Variants in KCP observed in about 807,000 individuals in gnomAD.
The protein encoded by KCP is kielin cysteine rich BMP regulator.
KCP carries 194 observed loss-of-function variants against 212.7 expected under a neutral mutation model. That is an observed-to-expected ratio of 0.91 (90% CI 0.81 to 1.03). The LOEUF (loss-of-function observed/expected upper bound fraction) is 1.03. Among genes scored for constraint, KCP ranks in the 50% least tolerant of loss-of-function variants. The pLI is 0.00. For missense variants in KCP, 2,080 were observed against 2,162.5 expected (o/e 0.96, Z 0.76); for synonymous variants, 833 against 865.3 (o/e 0.96, Z 0.65).
Position 128,877,735 on chromosome 7 carries a change from G to A in KCP, c.4367C>T (p.Pro1456Leu), listed in dbSNP as rs542483498. Residue 1456 changes from proline to leucine, a missense_variant, in exon 39 of 40, where the codon CCG becomes CTG. Pro to Leu is a moderately conservative substitution (Grantham distance 98, BLOSUM62 -3). Coordinates refer to ENST00000610776, the MANE Select transcript of KCP (RefSeq NM_001366122.1). ...GGCACGGTAACCTGCTGCCCGGCAC[G>A]GATCCACCTCTCGGCCTGCAGAACA... ...RPCSAGREVDPCRAAGYRARR... is the reference protein window; with the variant it reads ...RPCSAGREVDLCRAAGYRARR... 1.5e-5 allele frequency: 23 copies of A among 1,550,866 alleles called. No homozygotes were observed. Among genetic ancestry groups the A allele is most frequent in the Middle Eastern group, 3.3e-4 (2 of 5,986 alleles).
At position 128,886,936 on chromosome 7, in the gene KCP, A is replaced by G. The variant is rs1793687969; in HGVS notation, c.2629T>C (p.Cys877Arg). Residue 877 changes from cysteine (C) to arginine (R), a missense_variant, in exon 24 of 40, where the codon TGT (cysteine) becomes CGT (arginine). Transcript: ENST00000610776. ...GGGTGGGGGCAGAGAGCTGGGGGAC[A>G]TGGCTTCTTCTGGCAGCGCATGGAA... is the stretch of plus-strand genomic sequence containing the variant. ...EGSMRCQKKP[C>R]PPALCPHPSP... 3 of 1,529,840 alleles carry G rather than the reference A, an allele frequency of 2.0e-6. No individual in the cohort carries two copies. In the East Asian group the frequency reaches 7.3e-5, roughly 37 times the overall value. 94.8% of individuals were successfully genotyped at this position (1,529,840 alleles called of 1,614,324 possible). A position where few individuals can be genotyped will look rare whatever the true frequency, so the allele number is the denominator to read the frequency against.
intron 8 of KCP, among the ~76,000 whole-genome samples, chr7:128,899,957 C>G (rs970936137): frequency 1.5e-5 from 2 of 133,974 alleles, no homozygotes; most frequent in African/African-American, 7.8e-5. Context: ...GGGTTTCTGA[C>G]CTGTGGTAAG....
At chr7:128,887,893 GCACACA>G (rs1344076917) in intron 22 of KCP, among the ~76,000 whole-genome samples, 2 of 97,524 alleles carry the variant, frequency 2.1e-5, no homozygotes, top group Non-Finnish European at 4.2e-5. Flanking sequence ...ACATAGCCAC[GCACACA>G]CATACACATA....
chr7:128,886,536 G>T lies in KCP; in HGVS notation c.2794C>A (p.Arg932=), dbSNP rs771916334. ...RCQAGQVSCV[R]LQCPPLPCKL... is the part of the protein sequence containing the mutation. ...CAGGGAAGGGGTGGGCACTGCAGCCGCACACAGCTGACCTGGCCAGCCTGT... is the reference window on the plus strand; with the variant it reads ...CAGGGAAGGGGTGGGCACTGCAGCCTCACACAGCTGACCTGGCCAGCCTGT... The change falls in exon 26 of 40, where the codon CGG becomes AGG. Residue 932 remains arginine (R), a synonymous_variant. Coordinates refer to ENST00000610776, the MANE Select transcript of KCP (RefSeq NM_001366122.1). The T allele has an allele frequency of 6.4e-7, 1 of 1,550,924 alleles. No individual in the cohort carries two copies.
rs1446578727 is a variant in KCP, at chr7:128,890,955, G to A, written c.2114C>T (p.Pro705Leu). 2.4e-6 allele frequency: 3 copies of A among 1,257,044 alleles called. No individual in the cohort carries two copies. In the African/African-American group the frequency reaches 4.7e-5, roughly 20 times the overall value. 77.9% of individuals were successfully genotyped at this position (1,257,044 alleles called of 1,614,324 possible). The change falls in exon 20 of 40, where the codon CCC becomes CTC. Residue 705 changes from proline to leucine, a missense_variant. Coordinates refer to ENST00000610776, the MANE Select transcript of KCP (RefSeq NM_001366122.1). The stretch of plus-strand genomic sequence containing the variant: ...CTGGCGCGGGTGCGCGCAGGGCGCG[G>A]GCGGGCAGGGCAGCCGCTGGCAGGA... ...SVSCQRLPCPPAPCAHPRQGP... is the reference protein window; with the variant it reads ...SVSCQRLPCPLAPCAHPRQGP...
intron 1 of KCP, among the ~76,000 whole-genome samples, chr7:128,909,182 A>C (rs1161327146): frequency 6.6e-6 from 1 of 152,090 alleles, no homozygotes; most frequent in Non-Finnish European, 1.5e-5. Flanking sequence ...TTTCACTTTG[A>C]TCCTTCTCCT....
chr7:128,904,379 G>A, intron 5 of KCP: 2 of 1,550,202 alleles, frequency 1.3e-6, no homozygotes, highest in Non-Finnish European at 1.7e-6. Context: ...CACGGCTCCT[G>A]TCTGCAGGGC....
rs753076372 is a variant in KCP, at chr7:128,910,708, T to C, written c.-32A>G. On this transcript the variant is annotated 5_prime_UTR_variant, in exon 1 of 40. Coordinates refer to ENST00000610776, the MANE Select transcript of KCP (RefSeq NM_001366122.1). Reference sequence around the variant, plus strand: ...TCCGCCTCGCTCGGCTCGCCGTCTGTCGTCGCGGCTCAGCAGGCGCTGGGG... The same window carrying C: ...TCCGCCTCGCTCGGCTCGCCGTCTGCCGTCGCGGCTCAGCAGGCGCTGGGG... 1.9e-4 allele frequency: 278 copies of C among 1,458,058 alleles called. No homozygotes were observed. The highest frequency in any genetic ancestry group is 2.4e-4 in the Non-Finnish European group (270 of 1,110,642). The allele number at this position is 1,458,058 out of a possible 1,614,324, so 90.3% of individuals were successfully genotyped here.
Position 128,908,529 on chromosome 7 carries a change from G to GA in KCP, c.115_116insT (p.Thr39IlefsTer37), listed in dbSNP as rs1585263739. On this transcript the variant is annotated frameshift_variant, in exon 2 of 40. Coordinates refer to ENST00000610776, the MANE Select transcript of KCP (RefSeq NM_001366122.1). LOFTEE classifies it high-confidence loss of function. The stretch of plus-strand genomic sequence containing the variant: ...CCCAGCAAGGACTGAGGAATGGGCA[G>GA]TTGTCTGCTGCCCAGGGGGCTCCCT... 6.4e-7 allele frequency: 1 copy of GA among 1,551,688 alleles called. No homozygotes were observed. The highest frequency in any genetic ancestry group is 1.4e-5 in the African/African-American group (1 of 73,176).
chr7:128,890,813 G>T, intron 20 of KCP, 92 bp downstream of exon 20: 1 of 1,093,958 alleles, frequency 9.1e-7, no homozygotes, highest in Non-Finnish European at 1.2e-6. Context: ...TGGGCGGAGC[G>T]GGCCTGGAGG....
In KCP at chr7:128,907,190, C is replaced by A; in HGVS notation, c.410-13G>T. 6.5e-7 allele frequency: 1 copy of A among 1,549,676 alleles called. No individual in the cohort carries two copies. The highest frequency in any genetic ancestry group is 1.4e-5 in the African/African-American group (1 of 73,170). ...TTTTGGCTGCAGCCTAAGGAGACAG[C>A]AGTGTCACTCAAGCACCCCATGCCA... is the stretch of plus-strand genomic sequence containing the variant. On this transcript the variant is annotated splice_polypyrimidine_tract_variant and intron_variant, in intron 3 of 39. Transcript: ENST00000610776.
chr7:128,907,132 GAGA>G lies in KCP; in HGVS notation c.452_454del (p.Phe151del), dbSNP rs1292226532. 4 of 1,551,428 alleles carry G rather than the reference GAGA, an allele frequency of 2.6e-6. No individual in the cohort carries two copies. The highest frequency in any genetic ancestry group is 2.0e-5 in the Admixed American group (1 of 50,972). On this transcript the variant is annotated inframe_deletion, in exon 4 of 40. Coordinates refer to ENST00000610776, the MANE Select transcript of KCP (RefSeq NM_001366122.1). ...GCGGCAGGTGGTGCAGGCATCTGGG[GAGA>G]AGGTCTCCCCGTTGCCGTAGGTCTG...
intron 8 of KCP, among the ~76,000 whole-genome samples, 183 bp from the exon 9 acceptor site, chr7:128,894,476 A>G (rs1388428638): frequency 6.6e-6 from 1 of 152,176 alleles, no homozygotes; most frequent in Non-Finnish European, 1.5e-5. Context: ...CTATTTGGAA[A>G]CAGGGTCATT....
chr7:128,906,406 T>C, intron 4 of KCP, 43 bp from the exon 5 acceptor site: 2 of 1,373,164 alleles, frequency 1.5e-6, no homozygotes, highest in Non-Finnish European at 2.0e-6. Flanking sequence ...ATCAGATTCC[T>C]GGAGGGCAGG....
intron 2 of KCP, 40 bp downstream of exon 2, chr7:128,908,386 C>T (rs750543071): frequency 6.6e-7 from 1 of 1,522,642 alleles, no homozygotes. Flanking sequence ...TATGAGAAGC[C>T]CTCCTTACCC....
At chr7:128,890,861 C>T in intron 20 of KCP, 44 bp downstream of exon 20, 1 of 1,218,118 alleles carries the variant, frequency 8.2e-7, no homozygotes, top group Non-Finnish European at 1.0e-6. Context: ...CGGGGCGGGG[C>T]GGCAGGACGC....
At chr7:128,877,889 G>A in intron 38 of KCP, 99 bp from the exon 39 acceptor site, 3 of 1,120,762 alleles carry the variant, frequency 2.7e-6, no homozygotes, top group Non-Finnish European at 3.8e-6. Flanking sequence ...ATTTGCTTTA[G>A]TCCCCAAAAC....
intron 24 of KCP, 32 bp downstream of exon 24, chr7:128,886,844 C>A: frequency 7.0e-7 from 1 of 1,423,106 alleles, no homozygotes; most frequent in Non-Finnish European, 9.7e-7. Context: ...CGGGGAAGGG[C>A]ATGGGGGCCG....
intron 11 of KCP, 114 bp from the exon 12 acceptor site, chr7:128,893,590 C>T (rs1794320952): frequency 2.0e-6 from 2 of 1,005,194 alleles, no homozygotes; most frequent in Non-Finnish European, 3.0e-6. Flanking sequence ...CCGAGTTCTC[C>T]AGGGCGCCCT....
Sources: gnomAD v4.1 joint callset for allele counts (sites outside exome capture counted in the v4.1 genomes callset) on GRCh38, gnomAD v4.1.1 for gene constraint, MANE v1.5 for transcripts, NCBI Gene and HGNC (gene_info 2026-07-23, HGNC 2026-07-21) for gene names.